The following GALNTL6 variants were observed in gnomAD, a reference collection of about 807,000 sequenced individuals.
The protein encoded by GALNTL6 is polypeptide N-acetylgalactosaminyltransferase like 6.
In GALNTL6, 46 loss-of-function variants were observed where a neutral mutation model predicts 73.7. The observed-to-expected ratio is 0.62, with a 90% CI of 0.49 to 0.80. GALNTL6 has a LOEUF of 0.80. Ranked by LOEUF, GALNTL6 falls within the 30% of genes least tolerant of loss-of-function variation. The pLI is 0.00. For synonymous variants in GALNTL6, 259 were observed against 263.7 expected (o/e 0.98, Z 0.17); for missense variants, 604 against 755.0 (o/e 0.80, Z 2.34).
At chr4:172,572,431 C>T (rs1341173993) in intron 5 of GALNTL6, among the ~76,000 whole-genome samples, 1 of 152,148 alleles carries the variant, frequency 6.6e-6, no homozygotes, top group Non-Finnish European at 1.5e-5. Flanking sequence ...ACATAACTTA[C>T]TCAGAGACAC....
intron 2 of GALNTL6, among the ~76,000 whole-genome samples, chr4:172,216,810 C>T (rs1039823775): frequency 2.1e-4 from 32 of 151,920 alleles, no homozygotes; most frequent in African/African-American, 5.8e-4. Flanking sequence ...GTGGTCGGGG[C>T]GCAGCTTGGT....
At chr4:171,937,180 T>G (rs958659127) in intron 2 of GALNTL6, among the ~76,000 whole-genome samples, 2 of 152,166 alleles carry the variant, frequency 1.3e-5, no homozygotes, top group African/African-American at 4.8e-5. Context: ...TAACTATTTC[T>G]GGGGTAAGAA....
At chr4:172,124,418 C>A (rs1733240680) in intron 2 of GALNTL6, among the ~76,000 whole-genome samples, 1 of 152,128 alleles carries the variant, frequency 6.6e-6, no homozygotes. Flanking sequence ...TGAGGAAGCT[C>A]ATCAAAGATG....
intron 2 of GALNTL6, among the ~76,000 whole-genome samples, chr4:172,212,534 C>A (rs2110929352): frequency 6.6e-6 from 1 of 152,230 alleles, no homozygotes; most frequent in African/African-American, 2.4e-5. Context: ...TTGAGAAATG[C>A]AGACTGCCAG....
intron 7 of GALNTL6, among the ~76,000 whole-genome samples, chr4:172,878,315 A>G (rs1283707166): frequency 6.6e-6 from 1 of 152,054 alleles, no homozygotes; most frequent in East Asian, 1.9e-4. Context: ...TTCCAACAGA[A>G]TAGAGAAATG....
intron 2 of GALNTL6, among the ~76,000 whole-genome samples, chr4:171,922,811 C>A (rs1198839817): frequency 6.6e-6 from 1 of 151,930 alleles, no homozygotes; most frequent in Non-Finnish European, 1.5e-5. Context: ...TTACATTATA[C>A]CTTACTATTT....
At chr4:172,885,751 G>C (rs1745687895) in intron 8 of GALNTL6, among the ~76,000 whole-genome samples, 1 of 152,062 alleles carries the variant, frequency 6.6e-6, no homozygotes, top group South Asian at 2.1e-4. Flanking sequence ...AATTTGTTAA[G>C]AGTTTTTATC....
At chr4:171,868,189 G>A (rs1736024933) in intron 2 of GALNTL6, among the ~76,000 whole-genome samples, 2 of 151,564 alleles carry the variant, frequency 1.3e-5, no homozygotes, top group Non-Finnish European at 2.9e-5. Context: ...GATTCTCACT[G>A]TGTTGCCCAG....
intron 2 of GALNTL6, among the ~76,000 whole-genome samples, chr4:171,922,340 A>G (rs899201575): frequency 6.6e-6 from 1 of 152,104 alleles, no homozygotes; most frequent in Non-Finnish European, 1.5e-5. Context: ...AACATATGGT[A>G]TATTTTTATA....
intron 5 of GALNTL6, among the ~76,000 whole-genome samples, chr4:172,382,109 A>G (rs11132941): frequency 0.24 from 36,008 of 151,954 alleles, 4,801 homozygotes; most frequent in East Asian, 0.36. Context: ...AGCTGGGACT[A>G]CAGGCCAATC....
At chr4:172,971,142 T>C (rs1351779016) in intron 10 of GALNTL6, among the ~76,000 whole-genome samples, 1 of 152,216 alleles carries the variant, frequency 6.6e-6, no homozygotes, top group African/African-American at 2.4e-5. Flanking sequence ...TTGGCTCCCT[T>C]CCCTCTTTCT....
At chr4:172,127,861 G>A (rs933812472) in intron 2 of GALNTL6, among the ~76,000 whole-genome samples, 3 of 152,070 alleles carry the variant, frequency 2.0e-5, no homozygotes, top group South Asian at 4.2e-4. Context: ...CCAGCACTTC[G>A]GGAGGCCAAG....
intron 2 of GALNTL6, among the ~76,000 whole-genome samples, chr4:172,035,041 A>T (rs1741891433): frequency 6.6e-6 from 1 of 152,136 alleles, no homozygotes; most frequent in African/African-American, 2.4e-5. Context: ...ACTATTCAAG[A>T]TAACTTGCCA....
chr4:172,050,743 A>C (rs1009716336), intron 2 of GALNTL6, among the ~76,000 whole-genome samples: 2 of 152,124 alleles, frequency 1.3e-5, no homozygotes, highest in Non-Finnish European at 2.9e-5. Context: ...ATACTTCTCC[A>C]GGCTAGCTAG....
intron 2 of GALNTL6, among the ~76,000 whole-genome samples, chr4:172,211,621 A>G (rs1736323220): frequency 1.3e-5 from 2 of 152,226 alleles, no homozygotes. Context: ...TTTATCAACT[A>G]GAGTACAGTC....
At chr4:173,039,629 G>A (rs1753826177) in intron 12 of GALNTL6, among the ~76,000 whole-genome samples, 1 of 152,136 alleles carries the variant, frequency 6.6e-6, no homozygotes, top group Non-Finnish European at 1.5e-5. Flanking sequence ...ATAGCAAAAA[G>A]CTCACCACAG....
At chr4:172,840,097 A>C (rs1420785029) in intron 7 of GALNTL6, among the ~76,000 whole-genome samples, 1 of 152,214 alleles carries the variant, frequency 6.6e-6, no homozygotes, top group Non-Finnish European at 1.5e-5. Context: ...GCACAAAAAA[A>C]GGAACCCTGT....
At chr4:172,521,051 A>G (rs975481646) in intron 5 of GALNTL6, among the ~76,000 whole-genome samples, 2 of 152,098 alleles carry the variant, frequency 1.3e-5, no homozygotes, top group Non-Finnish European at 2.9e-5. Context: ...TTTATTTGCA[A>G]GAATGTATAT....
intron 5 of GALNTL6, among the ~76,000 whole-genome samples, chr4:172,387,355 A>G (rs1314628038): frequency 6.6e-6 from 1 of 152,192 alleles, no homozygotes; most frequent in Non-Finnish European, 1.5e-5. Context: ...AAATGAAATC[A>G]CTAAGTTTTT....
Sources: gnomAD v4.1 joint callset for allele counts (sites outside exome capture counted in the v4.1 genomes callset) on GRCh38, gnomAD v4.1.1 for gene constraint, MANE v1.5 for transcripts, NCBI Gene and HGNC (gene_info 2026-07-23, HGNC 2026-07-21) for gene names.